The following PSD3 variants were observed in gnomAD, a reference collection of about 807,000 sequenced individuals.
PSD3 encodes PH and SEC7 domain-containing protein 3.
A neutral mutation model predicts 105.5 loss-of-function variants in PSD3; 49 were observed. The ratio of observed to expected loss-of-function variants is 0.46; its 90% confidence interval spans 0.37 to 0.59. The LOEUF is 0.59. PSD3 is among the 20% of genes least tolerant of loss of function. PSD3 has a pLI of 0.00. For missense variants in PSD3, 1,561 were observed against 1,263.8 expected, an observed-to-expected ratio of 1.24 and a Z score of -3.57; for synonymous variants, 557 against 457.8, an observed-to-expected ratio of 1.22 and a Z score of -2.77.
intron 1 of PSD3, among the ~76,000 whole-genome samples, chr8:19,054,952 C>T (rs954764880): frequency 5.9e-5 from 9 of 152,162 alleles, no homozygotes; most frequent in African/African-American, 1.9e-4. Context: ...CTCACCTGGG[C>T]ACAGGGAAGA....
chr8:18,811,537 G>T (rs552182243), intron 4 of PSD3, among the ~76,000 whole-genome samples: 2 of 152,228 alleles, frequency 1.3e-5, no homozygotes, highest in South Asian at 4.2e-4. Context: ...AAAAAATAGA[G>T]CAAAGATAGA....
intron 11 of PSD3, among the ~76,000 whole-genome samples, chr8:18,611,590 AT>A (rs145272783): frequency 9.3e-5 from 14 of 150,522 alleles, no homozygotes; most frequent in Middle Eastern, 3.4e-3. Flanking sequence ...AATCCTTTGG[AT>A]TTTTTTTTTA....
intron 2 of PSD3, among the ~76,000 whole-genome samples, chr8:18,874,064 T>G (rs1295806639): frequency 5.9e-5 from 9 of 152,228 alleles, no homozygotes; most frequent in African/African-American, 1.9e-4. Flanking sequence ...TTGGTTACTT[T>G]GTATCATGAA....
At chr8:18,739,014 C>T (rs962713577) in intron 9 of PSD3, among the ~76,000 whole-genome samples, 2 of 152,046 alleles carry the variant, frequency 1.3e-5, no homozygotes, top group Admixed American at 6.6e-5. Flanking sequence ...ACAGATTGTT[C>T]AGAACAACTT....
At chr8:18,738,976 TAAG>T (rs1804358998) in intron 9 of PSD3, among the ~76,000 whole-genome samples, 1 of 152,178 alleles carries the variant, frequency 6.6e-6, no homozygotes, top group South Asian at 2.1e-4. Flanking sequence ...CTTTTCCTTT[TAAG>T]AAGAACCTTC....
chr8:18,774,782 C>A lies in PSD3; in HGVS notation c.2083-9244G>T. On this transcript the variant is annotated intron_variant, in intron 8 of 15. Coordinates refer to ENST00000327040, the MANE Select transcript of PSD3 (RefSeq NM_015310.4). ...CAACAGATTTGGAAATGACTACAAT[C>A]TAAGAGAACTGGAATGTCGGGCACC... 2 of 416,772 alleles carry A rather than the reference C, an allele frequency of 4.8e-6. 1 individual carries two copies. Among genetic ancestry groups the A allele is most frequent in the South Asian group, 3.4e-5 (2 of 58,176 alleles). The allele number at this position is 416,772 out of a possible 1,614,324, so 25.8% of individuals were successfully genotyped here. A position where few individuals can be genotyped will look rare whatever the true frequency, so the allele number is the denominator to read the frequency against.
In PSD3 at chr8:18,797,979, G is replaced by T. The variant is rs376964620; in HGVS notation, c.2082+1316C>A. On this transcript the variant is annotated intron_variant, in intron 8 of 15. Transcript: ENST00000327040. ...CAGAAAGGCTAAGGAAAAGAAGGGT[G>T]CAAAGAGCAACTGTTATCACCAAAC... is the stretch of plus-strand genomic sequence containing the variant. Among the ~76,000 whole-genome samples the T allele has an allele frequency of 1.6e-4, 25 of 152,218 alleles. No individual in the cohort carries two copies. The East Asian group carries it at 4.6e-3, about 28-fold the overall frequency.
rs748560630 is a variant in PSD3, at chr8:18,655,167, C to CAA, written c.2216+473_2216+474dup. Among the ~76,000 whole-genome samples, 41 of 141,314 alleles carry CAA rather than the reference C, an allele frequency of 2.9e-4. No individual in the cohort carries two copies. The East Asian group carries it at 7.0e-3, about 24-fold the overall frequency. The allele number at this position is 141,314 out of a possible 152,430, so 92.7% of individuals were successfully genotyped here. A position where few individuals can be genotyped will look rare whatever the true frequency, so the allele number is the denominator to read the frequency against. On this transcript the variant is annotated intron_variant, in intron 10 of 15. Coordinates refer to ENST00000327040, the MANE Select transcript of PSD3 (RefSeq NM_015310.4). ...TGAAACCCCGTCTCTACTAAAAATG[C>CAA]AAAAAAAAAAAATTAGCTGGGAGTG...
chr8:18,670,381 G>C (rs1214321362), intron 9 of PSD3, among the ~76,000 whole-genome samples: 1 of 152,208 alleles, frequency 6.6e-6, no homozygotes, highest in Non-Finnish European at 1.5e-5. Context: ...TTTTAAGCGG[G>C]AGGGTGACCT....
intron 1 of PSD3, among the ~76,000 whole-genome samples, chr8:18,996,119 C>T (rs1479507098): frequency 2.0e-5 from 3 of 151,232 alleles, no homozygotes; most frequent in Non-Finnish European, 4.4e-5. Flanking sequence ...TCTTTAAATT[C>T]TTACTCTTAT....
At chr8:18,622,895 G>C (rs1330230947) in intron 11 of PSD3, among the ~76,000 whole-genome samples, 2 of 152,056 alleles carry the variant, frequency 1.3e-5, no homozygotes, top group African/African-American at 4.8e-5. Flanking sequence ...ACAGGTTCAA[G>C]TTGCACAATA....
chr8:18,928,495 C>T (rs1184074173), intron 2 of PSD3, among the ~76,000 whole-genome samples: 1 of 152,114 alleles, frequency 6.6e-6, no homozygotes, highest in Admixed American at 6.5e-5. Context: ...AAAATGTGTA[C>T]CATCCATATA....
At chr8:18,602,735 G>A (rs960460054) in intron 11 of PSD3, among the ~76,000 whole-genome samples, 1 of 152,066 alleles carries the variant, frequency 6.6e-6, no homozygotes, top group Non-Finnish European at 1.5e-5. Context: ...ACTAAAGTGG[G>A]CTGGGAAGGC....
intron 9 of PSD3, chr8:18,683,844 C>T (rs747144984): frequency 2.6e-6 from 2 of 765,272 alleles, no homozygotes; most frequent in South Asian, 2.7e-5. Context: ...AGACTGCCGC[C>T]GGATAGAATC....
intron 1 of PSD3, among the ~76,000 whole-genome samples, chr8:19,013,205 G>C (rs1201968611): frequency 2.0e-5 from 3 of 151,858 alleles, no homozygotes; most frequent in African/African-American, 7.3e-5. Context: ...CTTTCTGACA[G>C]AAACGTGATA....
rs944068350 is a variant in PSD3, at chr8:18,532,208, A to C, written c.*3535T>G. 5 of 152,236 alleles carry C rather than the reference A, an allele frequency of 3.3e-5. No homozygotes were observed. The highest frequency in any genetic ancestry group is 1.2e-4 in the African/African-American group (5 of 41,464). 9.4% of individuals were successfully genotyped at this position (152,236 alleles called of 1,614,324 possible). ...ATAGAGGGAGCAATAGGCAAAGGAC[A>C]GTAGAAAAGCTCAGTGTAACTTTGT... On this transcript the variant is annotated 3_prime_UTR_variant, in exon 16 of 16. Transcript: ENST00000327040.
At chr8:18,825,322 T>C (rs186181080) in intron 4 of PSD3, among the ~76,000 whole-genome samples, 1 of 152,156 alleles carries the variant, frequency 6.6e-6, no homozygotes, top group Admixed American at 6.5e-5. Context: ...CCAAATTCAG[T>C]GTCTGTAAGA....
At chr8:18,995,185 CT>C (rs1270855438) in intron 1 of PSD3, among the ~76,000 whole-genome samples, 1 of 152,154 alleles carries the variant, frequency 6.6e-6, no homozygotes, top group Non-Finnish European at 1.5e-5. Flanking sequence ...AGTACTGGGA[CT>C]TTGCCTATAG....
At chr8:18,555,352 C>T (rs555047496) in intron 15 of PSD3, among the ~76,000 whole-genome samples, 4 of 151,140 alleles carry the variant, frequency 2.6e-5, no homozygotes, top group Non-Finnish European at 5.9e-5. Flanking sequence ...AGGAGAGGAA[C>T]AATGAGAAGT....
Sources: allele counts gnomAD v4.1 joint callset (sites outside exome capture counted in the v4.1 genomes callset), GRCh38; gene constraint gnomAD v4.1.1; transcripts MANE v1.5; gene names NCBI Gene and HGNC (gene_info 2026-07-23, HGNC 2026-07-21).